Variants in MAPK8IP1 observed in about 807,000 individuals in gnomAD.
MAPK8IP1 encodes mitogen-activated protein kinase 8 interacting protein 1, also known as C-Jun-amino-terminal kinase-interacting protein 1.
In MAPK8IP1, 17 loss-of-function variants were observed where a neutral mutation model predicts 72.6. That is an observed-to-expected ratio of 0.23 (90% CI 0.16 to 0.35). The LOEUF (loss-of-function observed/expected upper bound fraction) is 0.35. Ranked by LOEUF, MAPK8IP1 falls within the 10% of genes least tolerant of loss-of-function variation. The pLI, the probability that MAPK8IP1 is intolerant of heterozygous loss-of-function variation, is 1.00. For missense variants in MAPK8IP1, 789 were observed against 1,009.7 expected (o/e 0.78, Z 2.96); for synonymous variants, 401 against 443.4 (o/e 0.90, Z 1.20).
intron 1 of MAPK8IP1, 30 bp from the exon 2 acceptor site, chr11:45,898,055 G>A: frequency 1.4e-6 from 2 of 1,430,994 alleles, no homozygotes; most frequent in South Asian, 2.3e-5. Flanking sequence ...GTGCCCCTGA[G>A]TTGTAACTTT....
At position 45,885,833 on chromosome 11, in the gene MAPK8IP1, G is replaced by A; in HGVS notation, c.13G>A (p.Glu5Lys). 1 of 1,434,734 alleles carries A rather than the reference G, an allele frequency of 7.0e-7. No individual in the cohort carries two copies. The highest frequency in any genetic ancestry group is 9.2e-7 in the Non-Finnish European group (1 of 1,092,514). 88.9% of individuals were successfully genotyped at this position (1,434,734 alleles called of 1,614,324 possible). Reference sequence around the variant, plus strand: ...GCTGTGCCCGAGAATGGCGGAGCGAGAAAGCGGCGGCCTGGGAGGGGGGGC... The same window carrying A: ...GCTGTGCCCGAGAATGGCGGAGCGAAAAAGCGGCGGCCTGGGAGGGGGGGC... MAERESGGLGGGAAS... is the reference protein window; with the variant it reads MAERKSGGLGGGAAS... Residue 5 changes from glutamate to lysine, a missense_variant, in exon 1 of 12, where the codon GAA (glutamate) becomes AAA (lysine). Physicochemically the swap from Glu to Lys is moderately conservative, Grantham distance 56. Transcript: ENST00000241014.
rs374578901 is a variant in MAPK8IP1 at position 45,905,265 on chromosome 11, G to A, written c.2063+16G>A. 210 of 1,607,704 alleles carry A rather than the reference G, an allele frequency of 1.3e-4. 2 individuals carry two copies. The highest frequency in any genetic ancestry group is 1.3e-3 in the South Asian group (118 of 90,886). ...AGTCCGTGGGGTACGTGTACACCCT[G>A]CTGAGCACCCAGCCCGAGGGAGCAC... On this transcript the variant is annotated intron_variant, in intron 11 of 11. Transcript: ENST00000241014.
chr11:45,897,061 GT>G, intron 1 of MAPK8IP1: 1 of 1,171,714 alleles, frequency 8.5e-7, no homozygotes, highest in Non-Finnish European at 1.2e-6. Flanking sequence ...GGCCTCCTAG[GT>G]TCCCCTGGGG....
intron 11 of MAPK8IP1, 119 bp from the exon 12 acceptor site, chr11:45,905,530 C>T: frequency 1.1e-6 from 1 of 923,922 alleles, no homozygotes. Context: ...GTGGCCCCAG[C>T]CAGAGGAACC....
At chr11:45,888,552 G>A (rs993715944) in intron 1 of MAPK8IP1, among the ~76,000 whole-genome samples, 3 of 152,152 alleles carry the variant, frequency 2.0e-5, no homozygotes, top group African/African-American at 7.2e-5. Flanking sequence ...ATGTGGACCT[G>A]ACCTGAAGGG....
In MAPK8IP1 at chr11:45,900,230, G is replaced by A. The variant is rs1185397862; in HGVS notation, c.300G>A (p.Thr100=). 4 of 1,331,704 alleles carry A rather than the reference G, an allele frequency of 3.0e-6. No individual in the cohort carries two copies. In the African/African-American group the frequency reaches 4.7e-5, roughly 16 times the overall value. 82.5% of individuals were successfully genotyped at this position (1,331,704 alleles called of 1,614,324 possible). A position where few individuals can be genotyped will look rare whatever the true frequency, so the allele number is the denominator to read the frequency against. The part of the protein sequence containing the change: ...EMLQMDLIDA[T]GDTPGAEDDE... ...TGCAGATGGACCTGATCGACGCGAC[G>A]GGGGACACTCCCGGGGCCGAGGACG... The change falls in exon 3 of 12, where the codon ACG becomes ACA. Residue 100 remains threonine (T), a synonymous_variant. Coordinates refer to ENST00000241014, the MANE Select transcript of MAPK8IP1 (RefSeq NM_005456.4). This position sits in a 1 kb window ranked among gnomAD's most constrained non-coding sequence, Gnocchi z 6.5.
chr11:45,900,151 G>T lies in MAPK8IP1; in HGVS notation c.221G>T (p.Gly74Val), dbSNP rs971367978. 1.0e-5 allele frequency: 13 copies of T among 1,299,396 alleles called. No homozygotes were observed. Among genetic ancestry groups the T allele is most frequent in the Non-Finnish European group, 1.2e-5 (12 of 1,030,880 alleles). The allele number at this position is 1,299,396 out of a possible 1,614,324, so 80.5% of individuals were successfully genotyped here. ...DTLSLRPPRA[G>V]LLSAGGGGAG... ...TGCGCTGTGCAGCCCCCGCGCGCCGGGCTGCTCTCTGCGGGCGGCGGCGGC... is the reference window on the plus strand; with the variant it reads ...TGCGCTGTGCAGCCCCCGCGCGCCGTGCTGCTCTCTGCGGGCGGCGGCGGC... Residue 74 changes from glycine to valine, a missense_variant, in exon 3 of 12, where the codon GGG becomes GTG. Transcript: ENST00000241014. The surrounding 1 kb of genome is among the most constrained non-coding windows in gnomAD (Gnocchi z 6.5).
Position 45,900,143 on chromosome 11 carries a change from G to A in MAPK8IP1, c.213G>A (p.Pro71=), listed in dbSNP as rs1358101092. ...CCCCTCCGTGCGCTGTGCAGCCCCC[G>A]CGCGCCGGGCTGCTCTCTGCGGGCG... ...QCKDTLSLRP[P]RAGLLSAGGG... The change falls in exon 3 of 12, where the codon CCG becomes CCA. Residue 71 remains proline (P), a synonymous_variant. Transcript: ENST00000241014. This position sits in a 1 kb window ranked among gnomAD's most constrained non-coding sequence, Gnocchi z 6.5. The A allele has an allele frequency of 3.1e-6, 4 of 1,276,288 alleles. No individual in the cohort carries two copies. The highest frequency in any genetic ancestry group is 2.6e-5 in the South Asian group (1 of 38,288). The allele number at this position is 1,276,288 out of a possible 1,614,324, so 79.1% of individuals were successfully genotyped here.
intron 1 of MAPK8IP1, chr11:45,896,665 T>C: frequency 7.1e-7 from 1 of 1,404,530 alleles, no homozygotes; most frequent in Non-Finnish European, 9.3e-7. Context: ...GAGCTGGGGC[T>C]GGGACCCGGG....
chr11:45,889,290 T>C (rs73468338), intron 1 of MAPK8IP1, among the ~76,000 whole-genome samples: 4,259 of 152,312 alleles, frequency 0.028, 135 homozygotes, highest in African/African-American at 0.073. Flanking sequence ...TGTGCTGTTA[T>C]GTTGGTGCTC....
chr11:45,886,742 C>G (rs970064063), intron 1 of MAPK8IP1, among the ~76,000 whole-genome samples: 1 of 152,118 alleles, frequency 6.6e-6, no homozygotes, highest in East Asian at 1.9e-4. Context: ...AATTCTGAAC[C>G]CTAGTTGGTG....
At chr11:45,898,271 AAG>A in intron 2 of MAPK8IP1, 81 bp downstream of exon 2, 2 of 935,764 alleles carry the variant, frequency 2.1e-6, no homozygotes, top group East Asian at 5.0e-5. Flanking sequence ...CATAGTGACA[AAG>A]GGGGTTTCAG....
At chr11:45,890,610 G>A (rs1282250329) in intron 1 of MAPK8IP1, among the ~76,000 whole-genome samples, 1 of 152,078 alleles carries the variant, frequency 6.6e-6, no homozygotes, top group African/African-American at 2.4e-5. Context: ...AGAGTTAGGG[G>A]GCAGATTAGC....
chr11:45,902,670 G>C lies in MAPK8IP1; in HGVS notation c.903G>C (p.Pro301=), dbSNP rs148774878. ...CAGAGCCCACCTCCGCCTTCCTGCC[G>C]CCCACTGAGAGCCGGATGTCAGTCA... ...DAAEPTSAFL[P]PTESRMSVSS... is the part of the protein sequence containing the mutation. Residue 301 remains proline, a synonymous_variant, in exon 5 of 12, where the codon CCG becomes CCC. Transcript: ENST00000241014. The surrounding 1 kb of genome is among the most constrained non-coding windows in gnomAD (Gnocchi z 9.3). 7.4e-6 allele frequency: 12 copies of C among 1,611,982 alleles called. No homozygotes were observed. In the East Asian group the frequency reaches 2.7e-4, roughly 36 times the overall value.
rs559703923 is a variant in MAPK8IP1, at chr11:45,894,792, G to A, written c.102-3293G>A. ...TTGATCACCTGCTGGGTACAGTATA[G>A]GGTCATCAATCAGGGTGCTGGATAC... On this transcript the variant is annotated intron_variant, in intron 1 of 11. Transcript: ENST00000241014. Among the ~76,000 whole-genome samples, 5 of 151,952 alleles carry A rather than the reference G, an allele frequency of 3.3e-5. No individual in the cohort carries two copies. The East Asian group carries it at 9.6e-4, about 29-fold the overall frequency.
At chr11:45,895,877 C>T (rs549295997) in intron 1 of MAPK8IP1, among the ~76,000 whole-genome samples, 33 of 152,148 alleles carry the variant, frequency 2.2e-4, no homozygotes, top group African/African-American at 7.2e-4. Context: ...CCTGGCCGGA[C>T]GGAGGAGGGC....
chr11:45,891,870 G>T (rs1486372619), intron 1 of MAPK8IP1, among the ~76,000 whole-genome samples: 1 of 152,200 alleles, frequency 6.6e-6, no homozygotes, highest in African/African-American at 2.4e-5. Context: ...GGTGTTTTCA[G>T]TTGTTTGCTG....
In MAPK8IP1 at chr11:45,905,873, G is replaced by A; in HGVS notation, c.*152G>A. The A allele has an allele frequency of 1.4e-6, 1 of 727,776 alleles. No homozygotes were observed. The highest frequency in any genetic ancestry group is 2.5e-5 in the East Asian group (1 of 40,278). 45.1% of individuals were successfully genotyped at this position (727,776 alleles called of 1,614,324 possible). ...CGCTGGCCCAGGGTAGGGGAGGGTG[G>A]GGCAATGGGGAGAGGCAAATGCAGT... On this transcript the variant is annotated 3_prime_UTR_variant, in exon 12 of 12. Coordinates refer to ENST00000241014, the MANE Select transcript of MAPK8IP1 (RefSeq NM_005456.4).
chr11:45,905,437 C>G (rs1356057003), intron 11 of MAPK8IP1, among the ~76,000 whole-genome samples, 188 bp downstream of exon 11: 1 of 152,210 alleles, frequency 6.6e-6, no homozygotes, highest in African/African-American at 2.4e-5. Flanking sequence ...GAGCAGCTTC[C>G]AAGCTTGGTA....
Sources: gnomAD v4.1 joint callset for allele counts (sites outside exome capture counted in the v4.1 genomes callset) on GRCh38, gnomAD v4.1.1 for gene constraint, Gnocchi (gnomAD v3.1) non-coding constraint, MANE v1.5 for transcripts, NCBI Gene and HGNC (gene_info 2026-07-23, HGNC 2026-07-21) for gene names.